The following ATL2 variants were observed in gnomAD, a reference collection of about 807,000 sequenced individuals.
ATL2 encodes atlastin-2.
ATL2 carries 31 observed loss-of-function variants against 73.9 expected under a neutral mutation model. The observed-to-expected ratio is 0.42, with a 90% CI of 0.32 to 0.57. ATL2 has a LOEUF of 0.57. Among genes scored for constraint, ATL2 ranks in the 20% least tolerant of loss-of-function variants. ATL2 has a pLI of 0.14. For missense variants in ATL2, 738 were observed against 702.6 expected (o/e 1.05, Z -0.57); for synonymous variants, 291 against 237.5 (o/e 1.23, Z -2.07).
chr2:38,343,483 T>G lies in ATL2; in HGVS notation c.148A>C (p.Asn50His), dbSNP rs143971914. Residue 50 changes from asparagine (N) to histidine (H), a missense_variant, in exon 2 of 13, where the codon AAT becomes CAT. Coordinates refer to ENST00000378954, the MANE Select transcript of ATL2 (RefSeq NM_001135673.4). Reference sequence around the variant, plus strand: ...GGTTTCTTCATAACCTCATCAGAATTTACTAGGTCATCATCTTCATAATTC... The same window carrying G: ...GGTTTCTTCATAACCTCATCAGAATGTACTAGGTCATCATCTTCATAATTC... ...GENYEDDDLV[N>H]SDEVMKKPCP... 960 of 1,607,210 alleles carry G rather than the reference T, an allele frequency of 6.0e-4. 3 individuals carry two copies. The highest frequency in any genetic ancestry group is 4.1e-5 in the Non-Finnish European group (48 of 1,176,066).
intron 2 of ATL2, among the ~76,000 whole-genome samples, chr2:38,328,192 A>C (rs1668776374): frequency 6.6e-6 from 1 of 152,148 alleles, no homozygotes; most frequent in South Asian, 2.1e-4. Context: ...ATGTGAAGCA[A>C]AAATTGAACT....
intron 1 of ATL2, chr2:38,376,048 A>T: frequency 7.2e-7 from 1 of 1,381,134 alleles, no homozygotes; most frequent in Non-Finnish European, 9.5e-7. Flanking sequence ...ACACCGTAAA[A>T]AAAGAAATCT....
At chr2:38,325,695 C>CAA (rs1558412023) in intron 2 of ATL2, among the ~76,000 whole-genome samples, 1 of 9,244 alleles carries the variant, frequency 1.1e-4, no homozygotes, top group Non-Finnish European at 1.9e-4. Context: ...CACACACACA[C>CAA]CAGTACACAC....
chr2:38,369,646 G>A (rs1305108359), intron 1 of ATL2, among the ~76,000 whole-genome samples: 1 of 151,676 alleles, frequency 6.6e-6, no homozygotes, highest in Non-Finnish European at 1.5e-5. Context: ...CAGCTACTCA[G>A]GAGACTAAGG....
intron 1 of ATL2, among the ~76,000 whole-genome samples, chr2:38,350,453 G>A (rs1670272624): frequency 6.6e-6 from 1 of 152,184 alleles, no homozygotes. Flanking sequence ...GGGGGATAGG[G>A]AGGGATGAAC....
chr2:38,347,327 A>G (rs994856064), intron 1 of ATL2, among the ~76,000 whole-genome samples: 10 of 152,132 alleles, frequency 6.6e-5, no homozygotes, highest in African/African-American at 2.4e-4. Flanking sequence ...TTCCCTGATG[A>G]AGCTAACCCT....
intron 10 of ATL2, among the ~76,000 whole-genome samples, chr2:38,300,015 T>A (rs1296212281): frequency 6.6e-6 from 1 of 152,168 alleles, no homozygotes; most frequent in Non-Finnish European, 1.5e-5. Context: ...AATTTTCCTA[T>A]ACTTTGAGCA....
In ATL2 at chr2:38,298,285, T is replaced by G. The variant is rs1667003426; in HGVS notation, c.1491A>C (p.Leu497=). The part of the protein sequence containing the change: ...IISGLTGFIG[L]NSIAVLCNLV... ...GGTTACACAAGACAGCTATAGAGTT[T>G]AGGCCAATGAAGCCAGTCAGTCCTG... The change falls in exon 12 of 13, where the codon CTA becomes CTC. Residue 497 remains leucine, a synonymous_variant. Coordinates refer to ENST00000378954, the MANE Select transcript of ATL2 (RefSeq NM_001135673.4). The G allele has an allele frequency of 6.2e-7, 1 of 1,614,188 alleles. No homozygotes were observed. Among genetic ancestry groups the G allele is most frequent in the East Asian group, 2.2e-5 (1 of 44,884 alleles).
At chr2:38,338,273 A>C (rs897518782) in intron 2 of ATL2, among the ~76,000 whole-genome samples, 5 of 152,194 alleles carry the variant, frequency 3.3e-5, no homozygotes, top group Admixed American at 6.5e-5. Flanking sequence ...CACGTACACA[A>C]AGATGGCAAC....
At chr2:38,362,298 C>G (rs1048282195) in intron 1 of ATL2, among the ~76,000 whole-genome samples, 5 of 152,148 alleles carry the variant, frequency 3.3e-5, no homozygotes, top group African/African-American at 1.2e-4. Flanking sequence ...ACACATAACC[C>G]TTCCTTACCA....
At chr2:38,306,605 C>T (rs1441513206) in intron 9 of ATL2, among the ~76,000 whole-genome samples, 1 of 152,154 alleles carries the variant, frequency 6.6e-6, no homozygotes. Context: ...ATCAGTCAGT[C>T]AATGAGTGTG....
intron 12 of ATL2, among the ~76,000 whole-genome samples, chr2:38,297,154 T>C (rs1046447775): frequency 2.6e-5 from 4 of 152,182 alleles, no homozygotes; most frequent in Non-Finnish European, 4.4e-5. Context: ...CAAATTAATA[T>C]AGTGGGTCAC....
chr2:38,343,544 T>G, intron 1 of ATL2, 32 bp from the exon 2 acceptor site: 1 of 1,580,570 alleles, frequency 6.3e-7, no homozygotes, highest in Non-Finnish European at 8.6e-7. Flanking sequence ...ACTGGTTACT[T>G]TAATCCCTAT....
intron 12 of ATL2, 188 bp from the exon 13 acceptor site, chr2:38,296,301 T>C (rs1262636703): frequency 1.4e-6 from 2 of 1,442,006 alleles, no homozygotes; most frequent in Non-Finnish European, 1.8e-6. Flanking sequence ...CAAAAATTAC[T>C]TTCCTCTTAT....
chr2:38,370,808 G>A (rs1274590995), intron 1 of ATL2, among the ~76,000 whole-genome samples: 1 of 151,362 alleles, frequency 6.6e-6, no homozygotes, highest in African/African-American at 2.4e-5. Context: ...TCAACCCCTG[G>A]CCCAGCAGGG....
At chr2:38,313,957 G>A (rs1316694248) in intron 6 of ATL2, among the ~76,000 whole-genome samples, 1 of 152,066 alleles carries the variant, frequency 6.6e-6, no homozygotes, top group East Asian at 1.9e-4. Context: ...AAAAACGAAG[G>A]CATCATCTGC....
chr2:38,339,910 C>T (rs1007181384), intron 2 of ATL2, among the ~76,000 whole-genome samples: 11 of 152,044 alleles, frequency 7.2e-5, no homozygotes, highest in Admixed American at 3.9e-4. Context: ...CAGCTGGTCT[C>T]GAACTCCTGA....
At position 38,331,612 on chromosome 2, in the gene ATL2, C is replaced by CAA. The variant is rs35381890; in HGVS notation, c.363+11654_363+11655dup. ...TGGGCAACAGAGCAAGACTCCATCT[C>CAA]AAAAAAAAAAAAAAAAAAATAGAAC... On this transcript the variant is annotated intron_variant, in intron 2 of 12. Coordinates refer to ENST00000378954, the MANE Select transcript of ATL2 (RefSeq NM_001135673.4). Among the ~76,000 whole-genome samples the CAA allele has an allele frequency of 4.8e-3, 442 of 92,140 alleles. 5 individuals carry two copies. Among genetic ancestry groups the CAA allele is most frequent in the African/African-American group, 0.016 (418 of 25,600 alleles). The allele number at this position is 92,140 out of a possible 152,430, so 60.4% of individuals were successfully genotyped here.
At chr2:38,361,985 A>G (rs1268510645) in intron 1 of ATL2, among the ~76,000 whole-genome samples, 1 of 152,244 alleles carries the variant, frequency 6.6e-6, no homozygotes, top group Non-Finnish European at 1.5e-5. Context: ...ATTCGATGTT[A>G]TAGGATAATT....
Sources: gnomAD v4.1 joint callset for allele counts (sites outside exome capture counted in the v4.1 genomes callset) on GRCh38, gnomAD v4.1.1 for gene constraint, MANE v1.5 for transcripts, NCBI Gene and HGNC (gene_info 2026-07-23, HGNC 2026-07-21) for gene names.